STAT5B: variants seen among roughly 807,000 people sequenced by gnomAD.
STAT5B encodes the protein transcription factor STAT5B.
In STAT5B, 21 loss-of-function variants were observed where a neutral mutation model predicts 107.8. The ratio of observed to expected loss-of-function variants is 0.19; its 90% CI spans 0.14 to 0.28. STAT5B has a LOEUF of 0.28. Ranked by LOEUF, STAT5B falls within the 10% of genes least tolerant of loss-of-function variation. STAT5B has a pLI of 1.00. For missense variants in STAT5B, 565 were observed against 1,008.2 expected (o/e 0.56, Z 5.95); for synonymous variants, 325 against 401.7 (o/e 0.81, Z 2.28).
the STAT5B span, among the ~76,000 whole-genome samples, chr17:42,281,737 C>T: frequency 6.6e-6 from 1 of 152,152 alleles, no homozygotes; most frequent in East Asian, 1.9e-4. Context: ...CCCTTCCAGC[C>T]AGAGCTAAAG....
At position 42,225,580 on chromosome 17, in the gene STAT5B, T is replaced by A. The variant is rs540706139; in HGVS notation, c.286-712A>T. 2.6e-5 allele frequency among the ~76,000 whole-genome samples: 4 copies of A among 152,294 alleles called. No individual in the cohort carries two copies. The East Asian group carries it at 7.7e-4, about 29-fold the overall frequency. ...CAGGACCCACTTGGATACCAAAATCTGCAGATGCTCAAGTTCCTTATATAA... is the reference window on the plus strand; with the variant it reads ...CAGGACCCACTTGGATACCAAAATCAGCAGATGCTCAAGTTCCTTATATAA... On this transcript the variant is annotated intron_variant, in intron 3 of 18. Transcript: ENST00000293328.
intron 1 of STAT5B, among the ~76,000 whole-genome samples, chr17:42,259,555 G>A (rs1644127498): frequency 6.6e-6 from 1 of 152,168 alleles, no homozygotes; most frequent in African/African-American, 2.4e-5. Context: ...GGAAGGCCAA[G>A]GTGGGTGGAT....
rs528130301 is a variant in STAT5B, at chr17:42,211,918, G to C, written c.1680+66C>G. 5.8e-3 allele frequency: 9,078 copies of C among 1,556,028 alleles called. 28 individuals carry two copies. The highest frequency in any genetic ancestry group is 7.4e-3 in the Non-Finnish European group (8,506 of 1,148,710). On this transcript the variant is annotated intron_variant, in intron 13 of 18. Transcript: ENST00000293328. ...ATGAAGAATAAGGGCCCAGGGCAGGGAGACTCCTGAGAGCATCTGGTTGGG... is the reference window on the plus strand; with the variant it reads ...ATGAAGAATAAGGGCCCAGGGCAGGCAGACTCCTGAGAGCATCTGGTTGGG...
intron 1 of STAT5B, among the ~76,000 whole-genome samples, chr17:42,260,890 C>T (rs1037479178): frequency 1.3e-5 from 2 of 150,314 alleles, no homozygotes; most frequent in Admixed American, 6.6e-5. Context: ...ACAATTATTG[C>T]TTAGTTTCCT....
intron 16 of STAT5B, among the ~76,000 whole-genome samples, chr17:42,206,358 G>T (rs893139748): frequency 1.3e-5 from 2 of 152,066 alleles, no homozygotes; most frequent in African/African-American, 2.4e-5. Context: ...CCAAAAGTCT[G>T]GGATTACAGG....
chr17:42,262,728 T>C (rs2080609903), intron 1 of STAT5B, among the ~76,000 whole-genome samples: 1 of 141,424 alleles, frequency 7.1e-6, no homozygotes, highest in African/African-American at 2.7e-5. Flanking sequence ...ATGAAATGAA[T>C]AACTTAGCAG....
At chr17:42,239,374 A>C (rs898698207) in intron 1 of STAT5B, among the ~76,000 whole-genome samples, 3 of 152,078 alleles carry the variant, frequency 2.0e-5, no homozygotes, top group African/African-American at 7.2e-5. Context: ...GACATATCTG[A>C]CTTTTAATAA....
chr17:42,225,480 GC>G (rs1046976404), intron 3 of STAT5B, among the ~76,000 whole-genome samples: 2 of 152,102 alleles, frequency 1.3e-5, no homozygotes, highest in African/African-American at 4.8e-5. Context: ...GAGGGACACT[GC>G]CCCCCTCTGG....
chr17:42,215,950 C>T (rs2080168095), intron 12 of STAT5B, 64 bp downstream of exon 12: 1 of 1,546,740 alleles, frequency 6.5e-7, no homozygotes, highest in South Asian at 1.1e-5. Flanking sequence ...AAGGATAATA[C>T]ATAAATGAGA....
rs1298055010 is a variant in STAT5B at position 42,199,608 on chromosome 17, C to T, written c.*2130G>A. 1 of 152,322 alleles carries T rather than the reference C, an allele frequency of 6.6e-6. No individual in the cohort carries two copies. The highest frequency in any genetic ancestry group is 1.5e-5 in the Non-Finnish European group (1 of 68,060). 9.4% of individuals were successfully genotyped at this position (152,322 alleles called of 1,614,324 possible). ...AGATAGAACGCAGAGAGCGAGCACA[C>T]CTTTCATCAAAAATCTCCACTCTCT... is the stretch of plus-strand genomic sequence containing the variant. On this transcript the variant is annotated 3_prime_UTR_variant, in exon 19 of 19. Coordinates refer to ENST00000293328, the MANE Select transcript of STAT5B (RefSeq NM_012448.4).
chr17:42,240,447 A>G (rs766889163), intron 1 of STAT5B, among the ~76,000 whole-genome samples: 1 of 152,224 alleles, frequency 6.6e-6, no homozygotes, highest in Non-Finnish European at 1.5e-5. Context: ...AGGCAAATCC[A>G]TAGAGACGGA....
intron 1 of STAT5B, among the ~76,000 whole-genome samples, chr17:42,266,452 G>A (rs952146234): frequency 1.3e-5 from 2 of 151,314 alleles, no homozygotes; most frequent in African/African-American, 2.4e-5. Flanking sequence ...AATTTTAAAT[G>A]TGTGTCTAAA....
chr17:42,220,904 G>T (rs1347989753), intron 5 of STAT5B, among the ~76,000 whole-genome samples: 1 of 151,276 alleles, frequency 6.6e-6, no homozygotes, highest in Non-Finnish European at 1.5e-5. Flanking sequence ...ACCACCGCAG[G>T]CCCACCCCAC....
intron 5 of STAT5B, among the ~76,000 whole-genome samples, chr17:42,222,105 GTC>G (rs996000404): frequency 7.6e-5 from 11 of 145,492 alleles, no homozygotes; most frequent in African/African-American, 2.8e-4. Flanking sequence ...TGCACTGTGT[GTC>G]TCTGTGTGCT....
chr17:42,215,020 T>C (rs1410690403), intron 12 of STAT5B, among the ~76,000 whole-genome samples: 1 of 152,104 alleles, frequency 6.6e-6, no homozygotes, highest in East Asian at 1.9e-4. Context: ...GCTGGGATTA[T>C]AGGCATGAGC....
chr17:42,210,699 T>G, intron 13 of STAT5B: 386 of 501,202 alleles, frequency 7.7e-4, no homozygotes, highest in East Asian at 1.4e-3. Flanking sequence ...AAACTGCAGT[T>G]ACCAGCACCC....
intron 2 of STAT5B, among the ~76,000 whole-genome samples, chr17:42,228,185 G>A (rs117107843): frequency 0.012 from 1,893 of 152,294 alleles, 25 homozygotes; most frequent in South Asian, 0.023. Context: ...CTATTTCTAA[G>A]AAGCCCTGGA....
chr17:42,215,323 T>G (rs550924846), intron 12 of STAT5B, among the ~76,000 whole-genome samples: 52 of 152,248 alleles, frequency 3.4e-4, no homozygotes, highest in African/African-American at 1.3e-3. Context: ...CATTCATAGT[T>G]TCACCCAAGG....
At chr17:42,212,292 AT>A in intron 12 of STAT5B, 102 bp from the exon 13 acceptor site, 2 of 1,575,932 alleles carry the variant, frequency 1.3e-6, no homozygotes, top group Non-Finnish European at 1.7e-6. Flanking sequence ...GGTTACACAC[AT>A]TTGTCTTGCA....
Sources: allele counts gnomAD v4.1 joint callset (sites outside exome capture counted in the v4.1 genomes callset), GRCh38; gene constraint gnomAD v4.1.1; transcripts MANE v1.5; gene names NCBI Gene and HGNC (gene_info 2026-07-23, HGNC 2026-07-21).